The following ABHD12 variants were observed in gnomAD, a reference collection of about 807,000 sequenced individuals.
The protein encoded by ABHD12 is lysophosphatidylserine lipase ABHD12.
ABHD12 carries 43 observed loss-of-function variants against 58.3 expected under a neutral mutation model. That is an observed-to-expected ratio of 0.74 (90% CI 0.58 to 0.95). The LOEUF is 0.95. Among genes scored for constraint, ABHD12 ranks in the 40% least tolerant of loss-of-function variants. The pLI, the probability that ABHD12 is intolerant of heterozygous loss-of-function variation, is 0.00. For synonymous variants in ABHD12, 219 were observed against 211.2 expected (o/e 1.04, Z -0.32); for missense variants, 539 against 537.2 (o/e 1.00, Z -0.03).
chr20:25,317,751 G>A (rs1281793133), intron 4 of ABHD12, among the ~76,000 whole-genome samples: 2 of 152,338 alleles, frequency 1.3e-5, no homozygotes, highest in South Asian at 2.1e-4. Flanking sequence ...AGTGGGCTCG[G>A]CACACACCCT....
At chr20:25,369,999 G>C (rs975703354) in intron 1 of ABHD12, among the ~76,000 whole-genome samples, 1 of 150,460 alleles carries the variant, frequency 6.6e-6, no homozygotes, top group Non-Finnish European at 1.5e-5. Flanking sequence ...ATATAAGTGG[G>C]TCCTTGCCCT....
chr20:25,361,582 T>C (rs1446536066), intron 1 of ABHD12, among the ~76,000 whole-genome samples: 1 of 152,222 alleles, frequency 6.6e-6, no homozygotes, highest in Non-Finnish European at 1.5e-5. Flanking sequence ...TAAAAGTTTA[T>C]CCTGTTCCAT....
chr20:25,312,443 G>A (rs1034188584), intron 6 of ABHD12, among the ~76,000 whole-genome samples: 1 of 144,130 alleles, frequency 6.9e-6, no homozygotes, highest in Admixed American at 7.2e-5. Context: ...GGCCTCCACA[G>A]GTGCCGGGAT....
chr20:25,352,499 A>T (rs2146067123), intron 1 of ABHD12, among the ~76,000 whole-genome samples: 1 of 152,240 alleles, frequency 6.6e-6, no homozygotes, highest in East Asian at 1.9e-4. Flanking sequence ...CATGTTGGCC[A>T]GGCTGGTCTC....
chr20:25,380,291 C>T (rs888161168), intron 1 of ABHD12, among the ~76,000 whole-genome samples: 24 of 151,710 alleles, frequency 1.6e-4, no homozygotes, highest in Admixed American at 1.3e-3. Flanking sequence ...GATGGAGTTT[C>T]GCTCTTGTTG....
chr20:25,377,861 C>A (rs1347340099), intron 1 of ABHD12, among the ~76,000 whole-genome samples: 1 of 152,164 alleles, frequency 6.6e-6, no homozygotes, highest in African/African-American at 2.4e-5. Flanking sequence ...CCACACCCAG[C>A]TAATTTTTGT....
rs2088614986 is a variant in ABHD12 at position 25,300,486 on chromosome 20, T to C, written c.*359A>G. The C allele has an allele frequency of 2.4e-6, 3 of 1,261,212 alleles. No individual in the cohort carries two copies. The highest frequency in any genetic ancestry group is 3.0e-5 in the African/African-American group (2 of 65,760). The allele number at this position is 1,261,212 out of a possible 1,614,324, so 78.1% of individuals were successfully genotyped here. A position where few individuals can be genotyped will look rare whatever the true frequency, so the allele number is the denominator to read the frequency against. ...GTGGGTGGTGCCAAAAAGCTCAGCATGGTCCCGAGCCCCAAGAGTCCCCTG... is the reference window on the plus strand; with the variant it reads ...GTGGGTGGTGCCAAAAAGCTCAGCACGGTCCCGAGCCCCAAGAGTCCCCTG... On this transcript the variant is annotated 3_prime_UTR_variant, in exon 13 of 13. Coordinates refer to ENST00000339157, the MANE Select transcript of ABHD12 (RefSeq NM_001042472.3).
chr20:25,304,032 T>G (rs190711184), intron 10 of ABHD12, among the ~76,000 whole-genome samples: 7 of 152,384 alleles, frequency 4.6e-5, no homozygotes, highest in South Asian at 2.1e-4. Context: ...TCACTCCAAC[T>G]CTAAACACTT....
intron 2 of ABHD12, among the ~76,000 whole-genome samples, chr20:25,325,203 C>CAAAAA (rs376306392): frequency 2.6e-5 from 2 of 76,460 alleles, no homozygotes; most frequent in African/African-American, 1.0e-4. Flanking sequence ...GACCCTGTTT[C>CAAAAA]AAAAAAAAAA....
At chr20:25,368,508 A>G in intron 1 of ABHD12, 1 of 1,520,172 alleles carries the variant, frequency 6.6e-7, no homozygotes, top group Non-Finnish European at 9.1e-7. Flanking sequence ...TTTAGGATGA[A>G]GTTTTCATCA....
intron 1 of ABHD12, among the ~76,000 whole-genome samples, chr20:25,349,311 C>T (rs536046726): frequency 6.6e-6 from 1 of 152,270 alleles, no homozygotes; most frequent in African/African-American, 2.4e-5. Flanking sequence ...AGTCCAGCTG[C>T]TATGGAAAAC....
chr20:25,379,091 C>T (rs997321204), intron 1 of ABHD12, among the ~76,000 whole-genome samples: 3 of 152,180 alleles, frequency 2.0e-5, no homozygotes, highest in Non-Finnish European at 4.4e-5. Flanking sequence ...GTGAACCTTT[C>T]GCCCACCTTC....
chr20:25,312,535 C>A (rs2145945537), intron 6 of ABHD12, among the ~76,000 whole-genome samples: 1 of 152,320 alleles, frequency 6.6e-6, no homozygotes, highest in South Asian at 2.1e-4. Flanking sequence ...ACTACAACCT[C>A]CACCTCCCAG....
rs746268339 is a variant in ABHD12 at position 25,317,100 on chromosome 20, G to A, written c.543-22C>T. On this transcript the variant is annotated intron_variant, in intron 4 of 12. Coordinates refer to ENST00000339157, the MANE Select transcript of ABHD12 (RefSeq NM_001042472.3). ...TCCTCTGGAGAAGAAAACAGGACAT[G>A]GTGTGAGCACATCTTCTCAGAGTTG... 1.9e-6 allele frequency: 3 copies of A among 1,603,634 alleles called. No individual in the cohort carries two copies. The African/African-American group carries it at 4.0e-5, about 21-fold the overall frequency.
intron 7 of ABHD12, 37 bp downstream of exon 7, chr20:25,309,409 C>T (rs1360901464): frequency 6.2e-7 from 1 of 1,613,574 alleles, no homozygotes; most frequent in Non-Finnish European, 8.5e-7. Context: ...GGAATACTGA[C>T]TCCCACTAAA....
chr20:25,334,639 G>A (rs1312568064), intron 2 of ABHD12, among the ~76,000 whole-genome samples: 3 of 151,866 alleles, frequency 2.0e-5, no homozygotes, highest in African/African-American at 7.3e-5. Flanking sequence ...AGAGCCCTCA[G>A]AAATAACACC....
Position 25,374,298 on chromosome 20 carries a change from TC to T in ABHD12, c.191+16214del, listed in dbSNP as rs556033941. 2.8e-4 allele frequency among the ~76,000 whole-genome samples: 42 copies of T among 152,164 alleles called. No individual in the cohort carries two copies. The South Asian group carries it at 3.5e-3, about 13-fold the overall frequency. The stretch of plus-strand genomic sequence containing the variant: ...TTTGAAAATCTGTTTGGTTCTCTTT[TC>T]CCCAGGTTTCATGTTGAATAGTTGA... On this transcript the variant is annotated intron_variant, in intron 1 of 12. Coordinates refer to ENST00000339157, the MANE Select transcript of ABHD12 (RefSeq NM_001042472.3).
At chr20:25,309,112 C>G (rs995702076) in intron 7 of ABHD12, among the ~76,000 whole-genome samples, 3 of 152,174 alleles carry the variant, frequency 2.0e-5, no homozygotes, top group Non-Finnish European at 2.9e-5. Context: ...GTGGAAGTAC[C>G]TCCTGTCCTG....
chr20:25,317,884 C>T (rs1202271414), intron 4 of ABHD12, among the ~76,000 whole-genome samples: 2 of 152,174 alleles, frequency 1.3e-5, no homozygotes, highest in African/African-American at 2.4e-5. Flanking sequence ...GGGAGGAGGG[C>T]GGGTCCACAC....
Sources: gnomAD v4.1 joint callset for allele counts (sites outside exome capture counted in the v4.1 genomes callset) on GRCh38, gnomAD v4.1.1 for gene constraint, MANE v1.5 for transcripts, NCBI Gene and HGNC (gene_info 2026-07-23, HGNC 2026-07-21) for gene names.